The following TMEM144 variants were observed in gnomAD, a reference collection of about 807,000 sequenced individuals.
TMEM144 encodes transmembrane protein 144.
A neutral mutation model predicts 43.6 loss-of-function variants in TMEM144; 39 were observed. That is an observed-to-expected ratio of 0.90 (90% CI 0.69 to 1.17). TMEM144 has a LOEUF of 1.17. Among genes scored for constraint, TMEM144 ranks in the 50% most tolerant of loss-of-function variants. The pLI is 0.00. For missense variants in TMEM144, 417 were observed against 411.9 expected (o/e 1.01, Z -0.11); for synonymous variants, 154 against 133.6 (o/e 1.15, Z -1.06).
chr4:158,213,331 A>C (rs1328041120), intron 3 of TMEM144: 1 of 152,568 alleles, frequency 6.6e-6, no homozygotes, highest in Non-Finnish European at 1.5e-5. Context: ...CCAACTCCTC[A>C]CCCAATACCT....
At chr4:158,243,373 A>G (rs778298405) in intron 11 of TMEM144, among the ~76,000 whole-genome samples, 3 of 152,158 alleles carry the variant, frequency 2.0e-5, no homozygotes, top group African/African-American at 7.2e-5. Flanking sequence ...TCACTTACAT[A>G]CCAAGAGTGG....
At chr4:158,214,671 C>CT (rs958192099) in intron 3 of TMEM144, among the ~76,000 whole-genome samples, 21 of 152,260 alleles carry the variant, frequency 1.4e-4, no homozygotes, top group African/African-American at 4.8e-4. Context: ...GCATTGAACT[C>CT]TAACTGTATG....
intron 6 of TMEM144, among the ~76,000 whole-genome samples, chr4:158,228,101 A>T (rs1261246902): frequency 6.6e-6 from 1 of 152,180 alleles, no homozygotes; most frequent in Non-Finnish European, 1.5e-5. Flanking sequence ...CCAGGTCAAA[A>T]CCAAAACCAA....
Position 158,240,363 on chromosome 4 carries a change from C to T in TMEM144, c.747C>T (p.Ala249=). ...IFLTSTVYFL[A]YCIAMKNSPK... is the part of the protein sequence containing the mutation. ...TTACAAGTACTGTCTACTTTCTGGC[C>T]TACTGCATAGCCATGAAAAATAGTC... Residue 249 remains alanine (A), a synonymous_variant, in exon 10 of 13, where the codon GCC becomes GCT. Transcript: ENST00000296529. 6.2e-7 allele frequency: 1 copy of T among 1,613,850 alleles called. No homozygotes were observed. Among genetic ancestry groups the T allele is most frequent in the Non-Finnish European group, 8.5e-7 (1 of 1,179,906 alleles).
chr4:158,226,198 T>C (rs1734758096), intron 6 of TMEM144, among the ~76,000 whole-genome samples: 1 of 152,262 alleles, frequency 6.6e-6, no homozygotes, highest in Non-Finnish European at 1.5e-5. Flanking sequence ...GTATGATTTT[T>C]ATACCAGATA....
Position 158,227,242 on chromosome 4 carries a change from C to A in TMEM144, c.414-5659C>A, listed in dbSNP as rs542811185. Among the ~76,000 whole-genome samples the A allele has an allele frequency of 6.7e-4, 101 of 151,780 alleles. 1 individual carries two copies. The highest frequency in any genetic ancestry group is 2.4e-3 in the African/African-American group (99 of 41,382). On this transcript the variant is annotated intron_variant, in intron 6 of 12. Coordinates refer to ENST00000296529, the MANE Select transcript of TMEM144 (RefSeq NM_018342.5). ...CTGAACTGAACTAGTGAGGTGTGCT[C>A]ACGATGAGGTTTCCTCTAAAAGTTA...
At chr4:158,224,775 C>T (rs1734678640) in intron 6 of TMEM144, among the ~76,000 whole-genome samples, 2 of 152,124 alleles carry the variant, frequency 1.3e-5, no homozygotes, top group South Asian at 4.1e-4. Flanking sequence ...CTGGGTGTGA[C>T]TGGAGCAGGG....
chr4:158,225,311 A>G (rs1239236980), intron 6 of TMEM144, among the ~76,000 whole-genome samples: 1 of 152,108 alleles, frequency 6.6e-6, no homozygotes, highest in African/African-American at 2.4e-5. Flanking sequence ...TAGGGTGTAA[A>G]GGGTTTTGTC....
intron 12 of TMEM144, among the ~76,000 whole-genome samples, chr4:158,252,057 G>A (rs1039435356): frequency 2.6e-5 from 4 of 152,196 alleles, no homozygotes; most frequent in African/African-American, 4.8e-5. Context: ...GAAAAGAGAT[G>A]CCTCCAGGGA....
chr4:158,217,433 A>AACTTG lies in TMEM144; in HGVS notation c.332+14_332+15insCTTGA. 6.4e-7 allele frequency: 1 copy of AACTTG among 1,565,736 alleles called. No homozygotes were observed. Among genetic ancestry groups the AACTTG allele is most frequent in the Admixed American group, 1.7e-5 (1 of 59,592 alleles). On this transcript the variant is annotated intron_variant, in intron 5 of 12. Transcript: ENST00000296529. ...GGGCAAGCTCAAGGTAATTCAAGTC[A>AACTTG]AACTAGTTCAACTAAGATTTCCTGC... is the stretch of plus-strand genomic sequence containing the variant.
At position 158,240,252 on chromosome 4, in the gene TMEM144, T is replaced by G. The variant is rs780387936; in HGVS notation, c.683-47T>G. ...TTATTTTCAGAAATCTAAATATATC[T>G]GGAATGATTAAAATGGTGTTTGAGA... is the stretch of plus-strand genomic sequence containing the variant. On this transcript the variant is annotated intron_variant, in intron 9 of 12. Coordinates refer to ENST00000296529, the MANE Select transcript of TMEM144 (RefSeq NM_018342.5). The G allele has an allele frequency of 1.9e-6, 3 of 1,569,738 alleles. No homozygotes were observed. The Admixed American group carries it at 5.7e-5, about 30-fold the overall frequency.
intron 6 of TMEM144, among the ~76,000 whole-genome samples, chr4:158,229,063 AGGCCATT>A (rs1442805501): frequency 6.6e-6 from 1 of 152,096 alleles, no homozygotes; most frequent in Non-Finnish European, 1.5e-5. Flanking sequence ...ATAACCGGTT[AGGCCATT>A]GGTCGATCTT....
chr4:158,231,174 G>A (rs1036633344), intron 6 of TMEM144, among the ~76,000 whole-genome samples: 3 of 152,164 alleles, frequency 2.0e-5, no homozygotes, highest in African/African-American at 7.2e-5. Context: ...CTCCTACACA[G>A]AACGTGGAGG....
chr4:158,218,729 C>A (rs896084780), intron 5 of TMEM144, among the ~76,000 whole-genome samples: 1 of 152,094 alleles, frequency 6.6e-6, no homozygotes, highest in East Asian at 1.9e-4. Context: ...TTTCCTACTT[C>A]TTTTTTAGTC....
intron 6 of TMEM144, among the ~76,000 whole-genome samples, chr4:158,229,938 C>T (rs568799346): frequency 7.9e-6 from 1 of 126,672 alleles, no homozygotes; most frequent in Admixed American, 8.7e-5. Context: ...GGTAATGAGT[C>T]CCAGTGCTGG....
intron 12 of TMEM144, among the ~76,000 whole-genome samples, chr4:158,248,969 C>T (rs890357085): frequency 6.6e-6 from 1 of 152,104 alleles, no homozygotes; most frequent in Non-Finnish European, 1.5e-5. Context: ...TGGAGTGATG[C>T]GATCTCGGCT....
intron 6 of TMEM144, among the ~76,000 whole-genome samples, chr4:158,226,648 T>C (rs1286952534): frequency 2.6e-5 from 4 of 152,208 alleles, no homozygotes; most frequent in Non-Finnish European, 5.9e-5. Context: ...TTTTTGTTTT[T>C]GTTTTACATT....
At chr4:158,236,135 C>T (rs1735333867) in intron 8 of TMEM144, among the ~76,000 whole-genome samples, 1 of 152,142 alleles carries the variant, frequency 6.6e-6, no homozygotes, top group African/African-American at 2.4e-5. Flanking sequence ...CATTTGATGG[C>T]TGCTTTAAAC....
chr4:158,244,322 G>GGGT lies in TMEM144; in HGVS notation c.928_930dup (p.Gly310dup). ...GTCCAGGATTTATAGCTGCAATGTG[G>GGGT]GGTATCTTCATGTTTAAGGAAATAA... On this transcript the variant is annotated inframe_insertion, in exon 12 of 13. Coordinates refer to ENST00000296529, the MANE Select transcript of TMEM144 (RefSeq NM_018342.5). The GGGT allele has an allele frequency of 6.2e-7, 1 of 1,607,892 alleles. No homozygotes were observed. The highest frequency in any genetic ancestry group is 8.5e-7 in the Non-Finnish European group (1 of 1,176,772).
Sources: allele counts gnomAD v4.1 joint callset (sites outside exome capture counted in the v4.1 genomes callset), GRCh38; gene constraint gnomAD v4.1.1; transcripts MANE v1.5; gene names NCBI Gene and HGNC (gene_info 2026-07-23, HGNC 2026-07-21).